ASTN1: variants seen among roughly 807,000 people sequenced by gnomAD.
The protein encoded by ASTN1 is astrotactin 1.
A neutral mutation model predicts 140.7 loss-of-function variants in ASTN1; 41 were observed. The ratio of observed to expected loss-of-function variants is 0.29; its 90% CI spans 0.23 to 0.38. The LOEUF (loss-of-function observed/expected upper bound fraction) is 0.38. ASTN1 is among the 10% of genes least tolerant of loss of function. The pLI is 1.00. For synonymous variants in ASTN1, 640 were observed against 652.2 expected (o/e 0.98, Z 0.29); for missense variants, 1,479 against 1,678.8 (o/e 0.88, Z 2.08).
chr1:177,128,470 T>C (rs925576287), intron 1 of ASTN1, among the ~76,000 whole-genome samples: 1 of 152,206 alleles, frequency 6.6e-6, no homozygotes, highest in East Asian at 1.9e-4. Flanking sequence ...ATGAGTTACT[T>C]TTGAACAAGC....
At chr1:177,000,427 T>C (rs1415277778) in intron 8 of ASTN1, among the ~76,000 whole-genome samples, 1 of 152,110 alleles carries the variant, frequency 6.6e-6, no homozygotes, top group Non-Finnish European at 1.5e-5. Context: ...AAGAGACTCA[T>C]AAAACTTATG....
At chr1:177,079,655 A>G (rs1365010089) in intron 1 of ASTN1, among the ~76,000 whole-genome samples, 1 of 151,974 alleles carries the variant, frequency 6.6e-6, no homozygotes, top group African/African-American at 2.4e-5. Flanking sequence ...TGGAGCCCAA[A>G]TCTAGTATCC....
Position 177,029,740 on chromosome 1 carries a change from A to G in ASTN1, c.1014T>C (p.Ala338=), listed in dbSNP as rs372123802. The G allele has an allele frequency of 1.2e-5, 19 of 1,609,766 alleles. No individual in the cohort carries two copies. The highest frequency in any genetic ancestry group is 1.6e-5 in the Non-Finnish European group (19 of 1,177,482). ...CTTCAGGGTTCAAGAAGGCGGAACC[A>G]GCTGTAATGAAAGCAGCATGGTCAA... ...QRKRINNKAR[A]GSAFLNPEGD... is the part of the protein sequence containing the mutation. The change falls in exon 5 of 23, where the codon GCT becomes GCC. Residue 338 remains alanine, a splice_region_variant and synonymous_variant. Transcript: ENST00000361833.
chr1:177,154,279 T>C (rs537434518), intron 1 of ASTN1, among the ~76,000 whole-genome samples: 1 of 152,328 alleles, frequency 6.6e-6, no homozygotes, highest in South Asian at 2.1e-4. Context: ...TGTTGTCCAA[T>C]AAACCCTTCT....
intron 5 of ASTN1, among the ~76,000 whole-genome samples, chr1:177,025,919 G>T (rs2101962564): frequency 6.6e-6 from 1 of 152,294 alleles, no homozygotes; most frequent in South Asian, 2.1e-4. Context: ...GGAATAGAGG[G>T]TTAGAGAGGC....
intron 1 of ASTN1, among the ~76,000 whole-genome samples, chr1:177,066,679 A>G (rs1019413471): frequency 6.6e-6 from 1 of 152,192 alleles, no homozygotes; most frequent in East Asian, 1.9e-4. Context: ...CCAAAATACA[A>G]CCTCATTGAG....
intron 2 of ASTN1, among the ~76,000 whole-genome samples, chr1:177,050,994 T>C (rs1419689002): frequency 6.6e-6 from 1 of 152,182 alleles, no homozygotes; most frequent in East Asian, 1.9e-4. Flanking sequence ...AAGTATCCTG[T>C]TTATACTTTT....
chr1:176,884,629 T>G, intron 18 of ASTN1, 139 bp from the exon 19 acceptor site: 1 of 912,654 alleles, frequency 1.1e-6, no homozygotes, highest in Non-Finnish European at 1.6e-6. Context: ...CCTGTCTCTT[T>G]CAAAAGATAG....
chr1:176,965,082 C>T lies in ASTN1; in HGVS notation c.1598+81G>A, dbSNP rs578174357. ...AAGGTGTTTCCTATTTTATACTTTA[C>T]CAACTAGGAAAGTCAGTTCGGGGGA... On this transcript the variant is annotated intron_variant, in intron 9 of 22. Coordinates refer to ENST00000361833, the MANE Select transcript of ASTN1 (RefSeq NM_004319.3). 8.9e-6 allele frequency: 12 copies of T among 1,349,304 alleles called. No individual in the cohort carries two copies. The Admixed American group carries it at 1.2e-4, about 14-fold the overall frequency. 83.6% of individuals were successfully genotyped at this position (1,349,304 alleles called of 1,614,324 possible). A position where few individuals can be genotyped will look rare whatever the true frequency, so the allele number is the denominator to read the frequency against.
intron 8 of ASTN1, chr1:176,976,628 A>G (rs550622315): frequency 5.9e-5 from 9 of 152,328 alleles, no homozygotes; most frequent in African/African-American, 2.2e-4. Flanking sequence ...AAGATATTTG[A>G]CCTTTCCAAG....
chr1:176,857,501 A>T (rs573167130), downstream of ASTN1: 5 of 430,588 alleles, frequency 1.2e-5, no homozygotes, highest in Admixed American at 4.3e-5. Flanking sequence ...CTTTGAGGGG[A>T]TGGAAGGTCA....
intron 1 of ASTN1, among the ~76,000 whole-genome samples, chr1:177,139,807 G>A (rs1331475783): frequency 2.6e-5 from 4 of 151,804 alleles, no homozygotes; most frequent in East Asian, 3.9e-4. Context: ...ATTCCCAACC[G>A]GATGGGTCAT....
At chr1:177,006,269 A>G (rs1674989120) in intron 8 of ASTN1, among the ~76,000 whole-genome samples, 3 of 152,222 alleles carry the variant, frequency 2.0e-5, no homozygotes, top group African/African-American at 7.2e-5. Flanking sequence ...ACAAAAATAT[A>G]TACAGAATTG....
intron 16 of ASTN1, among the ~76,000 whole-genome samples, chr1:176,907,386 C>T (rs1670049321): frequency 6.6e-6 from 1 of 152,172 alleles, no homozygotes; most frequent in Non-Finnish European, 1.5e-5. Flanking sequence ...TAAAAAGAAA[C>T]AACTCCATTG....
intron 16 of ASTN1, among the ~76,000 whole-genome samples, chr1:176,898,371 G>A (rs1557944330): frequency 6.6e-6 from 1 of 152,340 alleles, no homozygotes; most frequent in Non-Finnish European, 1.5e-5. Flanking sequence ...AGCTGGATTT[G>A]CACAGGAGTG....
At chr1:176,962,031 T>C (rs1672686483) in intron 9 of ASTN1, among the ~76,000 whole-genome samples, 1 of 152,178 alleles carries the variant, frequency 6.6e-6, no homozygotes, top group South Asian at 2.1e-4. Context: ...TGCCATTAAA[T>C]GGAATGTGAG....
In ASTN1 at chr1:177,030,144, T is replaced by C. The variant is rs915040495; in HGVS notation, c.1013-403A>G. Among the ~76,000 whole-genome samples, 19 of 152,166 alleles carry C rather than the reference T, an allele frequency of 1.2e-4. 1 individual carries two copies. In the South Asian group the frequency reaches 1.4e-3, roughly 12 times the overall value. ...TTTTTTCTGGCTCTAGAATTATATATATTTAATACAAAAAAGACAGAATAG... is the reference window on the plus strand; with the variant it reads ...TTTTTTCTGGCTCTAGAATTATATACATTTAATACAAAAAAGACAGAATAG... On this transcript the variant is annotated intron_variant, in intron 4 of 22. Transcript: ENST00000361833.
At chr1:176,901,141 G>C (rs527823232) in intron 16 of ASTN1, among the ~76,000 whole-genome samples, 1 of 152,294 alleles carries the variant, frequency 6.6e-6, no homozygotes, top group Non-Finnish European at 1.5e-5. Flanking sequence ...TTTAAGAAGA[G>C]GGGCATCAAT....
intron 1 of ASTN1, among the ~76,000 whole-genome samples, chr1:177,130,854 C>T (rs550064165): frequency 6.6e-6 from 1 of 152,314 alleles, no homozygotes; most frequent in South Asian, 2.1e-4. Context: ...ATGCAGCATT[C>T]TCTCTGAGGT....
Sources: allele counts gnomAD v4.1 joint callset (sites outside exome capture counted in the v4.1 genomes callset), GRCh38; gene constraint gnomAD v4.1.1; transcripts MANE v1.5; gene names NCBI Gene and HGNC (gene_info 2026-07-23, HGNC 2026-07-21).